Variants in BABAM2 observed in about 807,000 individuals in gnomAD.
BABAM2 encodes BRISC and BRCA1-A complex member 2.
Under a neutral mutation model 54.7 loss-of-function variants are expected in BABAM2, and 31 were observed. The ratio of observed to expected loss-of-function variants is 0.57; its 90% confidence interval spans 0.43 to 0.77. The LOEUF (loss-of-function observed/expected upper bound fraction) is 0.77, where lower values mean the gene tolerates loss of function less well. Ranked by LOEUF, BABAM2 falls within the 30% of genes least tolerant of loss-of-function variation. BABAM2 has a pLI of 0.00. For missense variants in BABAM2, 364 were observed against 455.8 expected, an observed-to-expected ratio of 0.80 and a Z score of 1.83; for synonymous variants, 167 against 162.9, an observed-to-expected ratio of 1.03 and a Z score of -0.19.
At chr2:28,333,425 C>A (rs1423160366) in intron 11 of BABAM2, among the ~76,000 whole-genome samples, 1 of 152,142 alleles carries the variant, frequency 6.6e-6, no homozygotes, top group African/African-American at 2.4e-5. Flanking sequence ...AAGAGATTTA[C>A]CCTGGGCCCA....
chr2:28,175,400 A>T (rs1343911197), intron 7 of BABAM2, among the ~76,000 whole-genome samples: 1 of 152,088 alleles, frequency 6.6e-6, no homozygotes, highest in Non-Finnish European at 1.5e-5. Context: ...GTACAAGCCC[A>T]ACCAGCCTGG....
intron 7 of BABAM2, among the ~76,000 whole-genome samples, chr2:28,212,199 C>T (rs894018584): frequency 9.9e-5 from 15 of 152,120 alleles, no homozygotes; most frequent in African/African-American, 3.4e-4. Flanking sequence ...TTATTTTGGC[C>T]ATTTTTTAAG....
chr2:28,286,251 G>A (rs1218881542), intron 10 of BABAM2, among the ~76,000 whole-genome samples: 1 of 152,160 alleles, frequency 6.6e-6, no homozygotes, highest in Non-Finnish European at 1.5e-5. Context: ...ACCGCGCCTG[G>A]CCTTATTTTT....
intron 7 of BABAM2, among the ~76,000 whole-genome samples, chr2:28,210,144 C>T (rs1012740998): frequency 6.6e-6 from 1 of 152,126 alleles, no homozygotes; most frequent in Non-Finnish European, 1.5e-5. Flanking sequence ...CAATACTTGG[C>T]CTCTTGAAAA....
intron 10 of BABAM2, 36 bp downstream of exon 10, chr2:28,244,898 AT>A (rs1558467903): frequency 1.9e-6 from 3 of 1,569,532 alleles, no homozygotes; most frequent in Non-Finnish European, 2.6e-6. Context: ...GTCAGCATAC[AT>A]TTTTAAATGT....
At chr2:28,158,738 T>TG (rs1349500608) in intron 7 of BABAM2, among the ~76,000 whole-genome samples, 2 of 152,270 alleles carry the variant, frequency 1.3e-5, no homozygotes, top group Non-Finnish European at 2.9e-5. Flanking sequence ...ACTTATCTAA[T>TG]GCAGCTTTTG....
At chr2:28,094,143 T>G (rs1396775778) in intron 6 of BABAM2, among the ~76,000 whole-genome samples, 1 of 152,174 alleles carries the variant, frequency 6.6e-6, no homozygotes, top group Non-Finnish European at 1.5e-5. Flanking sequence ...AGTTTTCTAT[T>G]AAAAATTAAT....
intron 10 of BABAM2, among the ~76,000 whole-genome samples, chr2:28,296,444 T>C (rs780126748): frequency 2.0e-5 from 3 of 152,130 alleles, no homozygotes; most frequent in Non-Finnish European, 4.4e-5. Context: ...GATTCATCTG[T>C]AGAAACCCCC....
At chr2:27,961,201 T>C (rs1670440708) in intron 3 of BABAM2, among the ~76,000 whole-genome samples, 1 of 152,178 alleles carries the variant, frequency 6.6e-6, no homozygotes, top group African/African-American at 2.4e-5. Context: ...AGCTTTGAGA[T>C]GTAGAGAATA....
chr2:27,894,708 C>T (rs979786304), intron 2 of BABAM2, 24 bp downstream of exon 2: 2 of 1,613,288 alleles, frequency 1.2e-6, no homozygotes, highest in African/African-American at 1.3e-5. Context: ...TGAATTCAGT[C>T]AATGTACCAG....
At chr2:28,077,713 C>G (rs561892838) in intron 6 of BABAM2, among the ~76,000 whole-genome samples, 2 of 152,234 alleles carry the variant, frequency 1.3e-5, no homozygotes, top group African/African-American at 4.8e-5. Context: ...CTCACTCCCT[C>G]AACTCCACCC....
intron 3 of BABAM2, among the ~76,000 whole-genome samples, chr2:27,975,692 G>A (rs1327749468): frequency 6.6e-6 from 1 of 152,066 alleles, no homozygotes; most frequent in Admixed American, 6.6e-5. Context: ...AAAGAAAAAA[G>A]TTGATAAATT....
chr2:28,278,292 A>G (rs1249059089), intron 10 of BABAM2, among the ~76,000 whole-genome samples: 2 of 152,164 alleles, frequency 1.3e-5, no homozygotes, highest in Non-Finnish European at 2.9e-5. Context: ...ATTCAAGTGG[A>G]AGAAGCTGGG....
At chr2:28,220,886 C>T (rs1185442538) in intron 7 of BABAM2, among the ~76,000 whole-genome samples, 2 of 152,138 alleles carry the variant, frequency 1.3e-5, no homozygotes, top group African/African-American at 4.8e-5. Context: ...GGTGCCACTG[C>T]ACTCTGGTCT....
intron 6 of BABAM2, among the ~76,000 whole-genome samples, chr2:28,109,970 TC>T (rs1319808371): frequency 6.6e-6 from 1 of 152,182 alleles, no homozygotes; most frequent in Non-Finnish European, 1.5e-5. Flanking sequence ...CATCATGACA[TC>T]CGTTTCTGTA....
intron 10 of BABAM2, among the ~76,000 whole-genome samples, chr2:28,265,866 C>A (rs1369089034): frequency 2.0e-5 from 3 of 152,144 alleles, no homozygotes. Context: ...TAGGCAAAGT[C>A]CCATCCCCAC....
Position 28,025,255 on chromosome 2 carries a change from T to G in BABAM2, c.330T>G (p.Pro110=). 1.3e-6 allele frequency: 2 copies of G among 1,598,708 alleles called. No individual in the cohort carries two copies. Among genetic ancestry groups the G allele is most frequent in the Non-Finnish European group, 1.7e-6 (2 of 1,176,068 alleles). ...TTGCCTCCTGGAATCCTTCAAATCC[T>G]GAATGTCTCTTACTTGTGGTGAAGG... ...QNLASWNPSN[P]ECLLLVVKEL... Residue 110 remains proline, a synonymous_variant, in exon 5 of 12, where the codon CCT becomes CCG. Transcript: ENST00000379624.
intron 7 of BABAM2, among the ~76,000 whole-genome samples, chr2:28,172,080 G>T (rs1381852754): frequency 8.2e-6 from 1 of 121,914 alleles, no homozygotes; most frequent in Admixed American, 8.2e-5. Flanking sequence ...GTTTTGTTTT[G>T]TTTGAAATGT....
At chr2:28,159,420 AG>A (rs1265238479) in intron 7 of BABAM2, among the ~76,000 whole-genome samples, 4 of 152,214 alleles carry the variant, frequency 2.6e-5, no homozygotes, top group African/African-American at 4.8e-5. Context: ...ACTCAAAGAA[AG>A]GGTGACATCT....
Sources: allele counts gnomAD v4.1 joint callset (sites outside exome capture counted in the v4.1 genomes callset), GRCh38; gene constraint gnomAD v4.1.1; transcripts MANE v1.5; gene names NCBI Gene and HGNC (gene_info 2026-07-23, HGNC 2026-07-21).